Variants in FN1 observed in about 807,000 individuals in gnomAD.
FN1 encodes the protein fibronectin.
Under a neutral mutation model 297.3 loss-of-function variants are expected in FN1, and 106 were observed. The ratio of observed to expected loss-of-function variants is 0.36; its 90% confidence interval spans 0.30 to 0.42. The LOEUF (loss-of-function observed/expected upper bound fraction) is 0.42, where lower values mean the gene tolerates loss of function less well. Among genes scored for constraint, FN1 ranks in the 10% least tolerant of loss-of-function variants. The pLI is 1.00. For missense variants in FN1, 2,690 were observed against 3,124.9 expected, an observed-to-expected ratio of 0.86 and a Z score of 3.32; for synonymous variants, 1,149 against 1,152.6, an observed-to-expected ratio of 1.00 and a Z score of 0.06.
At chr2:215,402,095 G>A (rs1318024920) in intron 20 of FN1, among the ~76,000 whole-genome samples, 1 of 152,158 alleles carries the variant, frequency 6.6e-6, no homozygotes, top group Admixed American at 6.5e-5. Flanking sequence ...TCAGAGAACA[G>A]TCAGTTTCTT....
In FN1 at chr2:215,409,623, C is replaced by T. The variant is rs776884669; in HGVS notation, c.2239G>A (p.Val747Met). ...TCATATTCCACCCGGAATCCCGACA[C>T]GGTGTCGGAAGCTGAGACCCAGGAG... ...VVSWVSASDT[V>M]SGFRVEYELS... Residue 747 changes from valine to methionine, a missense_variant, in exon 15 of 46, where the codon GTG becomes ATG. This residue lies in a region of FN1 where 876 missense variants were observed against 1,058.1 expected (regional missense o/e 0.83). Coordinates refer to ENST00000354785, the MANE Select transcript of FN1 (RefSeq NM_212482.4). 4 of 1,613,960 alleles carry T rather than the reference C, an allele frequency of 2.5e-6. No homozygotes were observed. Among genetic ancestry groups the T allele is most frequent in the Non-Finnish European group, 3.4e-6 (4 of 1,180,034 alleles).
At chr2:215,426,094 G>A (rs2065297083) in intron 6 of FN1, among the ~76,000 whole-genome samples, 1 of 151,114 alleles carries the variant, frequency 6.6e-6, no homozygotes, top group African/African-American at 2.4e-5. Flanking sequence ...TCTTAAGACA[G>A]CTTTCCTTTC....
rs1472977355 is a variant in FN1, at chr2:215,397,747, G to A, written c.3450C>T (p.Val1150=). The A allele has an allele frequency of 3.1e-6, 5 of 1,614,032 alleles. No homozygotes were observed. Among genetic ancestry groups the A allele is most frequent in the Non-Finnish European group, 4.2e-6 (5 of 1,179,912 alleles). The stretch of plus-strand genomic sequence containing the variant: ...CATCTCTCAGGACTTGGATGGTGTA[G>A]ACGTATTCTACTCCTGGAGTCAAGC... ...VSGLTPGVEY[V]YTIQVLRDGQ... The change falls in exon 22 of 46, where the codon GTC becomes GTT. Residue 1150 remains valine, a synonymous_variant. Transcript: ENST00000354785.
At chr2:215,408,223 ACAGT>A (rs766838649) in intron 16 of FN1, 26 bp from the exon 17 acceptor site, 1 of 1,612,942 alleles carries the variant, frequency 6.2e-7, no homozygotes, top group Non-Finnish European at 8.5e-7. Context: ...AGTGGGGCAA[ACAGT>A]CAGGAAGTGC....
rs370666158 is a variant in FN1, at chr2:215,425,270, G to A, written c.860C>T (p.Thr287Ile). Reference sequence around the variant, plus strand: ...TTGGTAAACAGCTGCACGAACATCGGTGAAGGGGCCAGATCCTAATGGCAT... The same window carrying A: ...TTGGTAAACAGCTGCACGAACATCGATGAAGGGGCCAGATCCTAATGGCAT... Reference protein sequence around the residue: ...QTTSSGSGPFTDVRAAVYQPQ... With the variant: ...QTTSSGSGPFIDVRAAVYQPQ... Residue 287 changes from threonine (T) to isoleucine (I), a missense_variant, in exon 7 of 46, where the codon ACC becomes ATC. Thr to Ile is a moderately conservative substitution (Grantham distance 89, BLOSUM62 -1). This residue lies in a region of FN1 where 876 missense variants were observed against 1,058.1 expected (regional missense o/e 0.83). Coordinates refer to ENST00000354785, the MANE Select transcript of FN1 (RefSeq NM_212482.4). 1.2e-6 allele frequency: 2 copies of A among 1,613,998 alleles called. No individual in the cohort carries two copies. Among genetic ancestry groups the A allele is most frequent in the Non-Finnish European group, 1.7e-6 (2 of 1,180,038 alleles).
chr2:215,373,671 C>CTTTTTTT (rs58966623), intron 38 of FN1, among the ~76,000 whole-genome samples: 1 of 125,452 alleles, frequency 8.0e-6, no homozygotes, highest in African/African-American at 3.4e-5. Flanking sequence ...CCAGGGTATT[C>CTTTTTTT]TTTTTTTTTT....
chr2:215,409,216 A>G (rs77619745), intron 15 of FN1, among the ~76,000 whole-genome samples: 4,729 of 152,198 alleles, frequency 0.031, 240 homozygotes, highest in African/African-American at 0.11. Context: ...CACCATAACA[A>G]TTTGAAAAGT....
At chr2:215,413,655 C>G (rs758376374) in intron 13 of FN1, among the ~76,000 whole-genome samples, 10 of 152,198 alleles carry the variant, frequency 6.6e-5, no homozygotes, top group Non-Finnish European at 1.0e-4. Flanking sequence ...CCACCTCTAT[C>G]AGGGGTCTGA....
chr2:215,373,897 T>C (rs1027456828), intron 38 of FN1, among the ~76,000 whole-genome samples: 1 of 152,070 alleles, frequency 6.6e-6, no homozygotes, highest in African/African-American at 2.4e-5. Context: ...TTAGCCAGGA[T>C]GGTCTCGATC....
At chr2:215,424,061 A>C in intron 8 of FN1, 85 bp downstream of exon 8, 1 of 1,410,214 alleles carries the variant, frequency 7.1e-7, no homozygotes, top group Middle Eastern at 2.3e-4. Context: ...CGGGTTCAAA[A>C]TAAATGGCTA....
intron 35 of FN1, among the ~76,000 whole-genome samples, chr2:215,377,957 A>C (rs1374378048): frequency 6.6e-6 from 1 of 152,114 alleles, no homozygotes; most frequent in African/African-American, 2.4e-5. Context: ...TATAAATCTA[A>C]AAAATTATTT....
chr2:215,393,282 A>C (rs1478653738), intron 24 of FN1, 79 bp from the exon 25 acceptor site: 1 of 1,406,522 alleles, frequency 7.1e-7, no homozygotes, highest in Non-Finnish European at 9.8e-7. Flanking sequence ...AAAGCAGTGT[A>C]TATCAGGTTA....
chr2:215,406,971 G>A (rs534852547), intron 18 of FN1, among the ~76,000 whole-genome samples, 156 bp downstream of exon 18: 1 of 152,290 alleles, frequency 6.6e-6, no homozygotes, highest in East Asian at 1.9e-4. Context: ...GCTTTGATAA[G>A]TTACTTATGA....
chr2:215,431,056 C>T (rs2066426845), intron 4 of FN1, among the ~76,000 whole-genome samples: 1 of 152,028 alleles, frequency 6.6e-6, no homozygotes, highest in Non-Finnish European at 1.5e-5. Flanking sequence ...AGTTGGCAGG[C>T]AGAAATTCCA....
rs769546212 is a variant in FN1 at position 215,379,121 on chromosome 2, A to G, written c.5622+9T>C. 3.7e-6 allele frequency: 6 copies of G among 1,613,174 alleles called. No individual in the cohort carries two copies. Among genetic ancestry groups the G allele is most frequent in the South Asian group, 3.3e-5 (3 of 91,070 alleles). The stretch of plus-strand genomic sequence containing the variant: ...ATCTTTATTCCAATGAACAACGGTC[A>G]TGTCTTACCATAAGTCCTGATACAA... On this transcript the variant is annotated intron_variant, in intron 34 of 45. Coordinates refer to ENST00000354785, the MANE Select transcript of FN1 (RefSeq NM_212482.4).
intron 12 of FN1, among the ~76,000 whole-genome samples, chr2:215,415,330 A>T (rs1013476890): frequency 1.3e-5 from 2 of 152,194 alleles, no homozygotes; most frequent in African/African-American, 4.8e-5. Context: ...TCATTTACTT[A>T]TTGTATTGAG....
At chr2:215,373,599 C>T (rs966049923) in intron 38 of FN1, among the ~76,000 whole-genome samples, 188 bp from the exon 39 acceptor site, 27 of 152,106 alleles carry the variant, frequency 1.8e-4, no homozygotes, top group African/African-American at 6.3e-4. Flanking sequence ...AAGTCCGCAT[C>T]GCAAACTAAT....
At position 215,361,632 on chromosome 2, in the gene FN1, A is replaced by T. The variant is rs763302431; in HGVS notation, c.7363-6T>A. 4.4e-6 allele frequency: 7 copies of T among 1,607,362 alleles called. No homozygotes were observed. In the African/African-American group the frequency reaches 5.4e-5, roughly 12 times the overall value. On this transcript the variant is annotated splice_polypyrimidine_tract_variant and splice_region_variant and intron_variant, in intron 45 of 45. Transcript: ENST00000354785. The stretch of plus-strand genomic sequence containing the variant: ...TCAATTGGGCAATTAACATTCTGTT[A>T]AAAAGGAAGAAGGAAAAAAAAATTA...
At position 215,391,167 on chromosome 2, in the gene FN1, A is replaced by T. The variant is rs193138198; in HGVS notation, c.4252+465T>A. On this transcript the variant is annotated intron_variant, in intron 26 of 45. Transcript: ENST00000354785. ...AACTTCTGACTCTCTTCACAACAACATTCTAATCTAGACCAAACAATCAGT... is the reference window on the plus strand; with the variant it reads ...AACTTCTGACTCTCTTCACAACAACTTTCTAATCTAGACCAAACAATCAGT... Among the ~76,000 whole-genome samples, 398 of 152,280 alleles carry T rather than the reference A, an allele frequency of 2.6e-3. 4 individuals carry two copies. The highest frequency in any genetic ancestry group is 9.1e-3 in the African/African-American group (380 of 41,574).
Sources: allele counts gnomAD v4.1 joint callset (sites outside exome capture counted in the v4.1 genomes callset), GRCh38; gene constraint gnomAD v4.1.1; regional missense constraint gnomAD v4.1.1; transcripts MANE v1.5; gene names NCBI Gene and HGNC (gene_info 2026-07-23, HGNC 2026-07-21).